Variants in DRAXIN observed in about 807,000 individuals in gnomAD.
DRAXIN encodes the protein dorsal repulsive axon guidance protein.
DRAXIN carries 27 observed loss-of-function variants against 33.9 expected under a neutral mutation model. The ratio of observed to expected loss-of-function variants is 0.80; its 90% CI spans 0.59 to 1.10. The LOEUF (loss-of-function observed/expected upper bound fraction) is 1.10. Among genes scored for constraint, DRAXIN ranks in the 50% least tolerant of loss-of-function variants. The pLI is 0.00. For synonymous variants in DRAXIN, 178 were observed against 194.0 expected (o/e 0.92, Z 0.69); for missense variants, 371 against 460.8 (o/e 0.81, Z 1.78).
chr1:11,718,567 G>A (rs975591323), intron 6 of DRAXIN, among the ~76,000 whole-genome samples: 13 of 152,142 alleles, frequency 8.5e-5, no homozygotes, highest in Non-Finnish European at 8.8e-5. Context: ...GGGCTCAAAG[G>A]ATCCTCTCAT....
intron 3 of DRAXIN, among the ~76,000 whole-genome samples, chr1:11,709,828 G>A (rs1641448285): frequency 6.6e-6 from 1 of 152,184 alleles, no homozygotes; most frequent in African/African-American, 2.4e-5. Context: ...TTAAAACTGT[G>A]TCGTCAAGAC....
At chr1:11,695,187 C>T (rs1437646747) in intron 1 of DRAXIN, among the ~76,000 whole-genome samples, 5 of 152,128 alleles carry the variant, frequency 3.3e-5, no homozygotes, top group Non-Finnish European at 4.4e-5. Context: ...CGAATCCCAG[C>T]TCTATCACTT....
intron 1 of DRAXIN, among the ~76,000 whole-genome samples, chr1:11,698,980 G>A (rs767548809): frequency 6.6e-6 from 1 of 152,242 alleles, no homozygotes; most frequent in Non-Finnish European, 1.5e-5. Context: ...AGAGCTCCTA[G>A]GTTGGGAGTA....
At chr1:11,693,216 T>G (rs764368246) in intron 1 of DRAXIN, among the ~76,000 whole-genome samples, 25 of 152,074 alleles carry the variant, frequency 1.6e-4, no homozygotes, top group Non-Finnish European at 3.1e-4. Context: ...GTCACTTTTT[T>G]TCAAAATGAG....
Position 11,706,282 on chromosome 1 carries a change from C to T in DRAXIN, c.24C>T (p.Thr8=), listed in dbSNP as rs143031169. Residue 8 remains threonine, a synonymous_variant, in exon 2 of 7, where the codon ACC becomes ACT. Transcript: ENST00000294485. The surrounding 1 kb of genome is among the most constrained non-coding windows in gnomAD (Gnocchi z 5.5). The part of the protein sequence containing the change: MAGPAIH[T]APMLFLVLLL... ...CAATGGCTGGGCCTGCCATCCACAC[C>T]GCTCCCATGCTGTTCCTCGTCCTCC... is the stretch of plus-strand genomic sequence containing the variant. 2.8e-4 allele frequency: 442 copies of T among 1,607,122 alleles called. No individual in the cohort carries two copies. Among genetic ancestry groups the T allele is most frequent in the Non-Finnish European group, 3.4e-4 (402 of 1,176,952 alleles).
intron 3 of DRAXIN, among the ~76,000 whole-genome samples, chr1:11,711,466 G>C (rs1189768631): frequency 6.6e-6 from 1 of 152,230 alleles, no homozygotes. Context: ...TGCAGAGAGA[G>C]GAAGGGATGG....
chr1:11,700,109 G>A lies in DRAXIN; in HGVS notation c.-10-6140G>A, dbSNP rs527827974. On this transcript the variant is annotated intron_variant, in intron 1 of 6. Coordinates refer to ENST00000294485, the MANE Select transcript of DRAXIN (RefSeq NM_198545.4). ...AAAATTAGCTGGGCGTGGTGGCAGC[G>A]CCTGTAATCCCTCAGGAGACTGAGG... 8.6e-5 allele frequency among the ~76,000 whole-genome samples: 13 copies of A among 151,400 alleles called. No individual in the cohort carries two copies. The South Asian group carries it at 2.7e-3, about 32-fold the overall frequency.
At chr1:11,690,235 T>A (rs1641036253), upstream of DRAXIN, among the ~76,000 whole-genome samples, 1 of 152,198 alleles carries the variant, frequency 6.6e-6, no homozygotes, top group African/African-American at 2.4e-5. This position sits in a 1 kb window ranked among gnomAD's most constrained non-coding sequence, Gnocchi z 4.2. Context: ...TGTTTACTAC[T>A]GTACCTCCGG....
rs1041410193 is a variant in DRAXIN, at chr1:11,721,138, A to C, written c.*1442A>C. 1.3e-5 allele frequency: 2 copies of C among 152,216 alleles called. No individual in the cohort carries two copies. Among genetic ancestry groups the C allele is most frequent in the African/African-American group, 4.8e-5 (2 of 41,442 alleles). The allele number at this position is 152,216 out of a possible 1,614,324, so 9.4% of individuals were successfully genotyped here. A position where few individuals can be genotyped will look rare whatever the true frequency, so the allele number is the denominator to read the frequency against. On this transcript the variant is annotated 3_prime_UTR_variant, in exon 7 of 7. Transcript: ENST00000294485. ...TCTGATGCAAGCATGGAATCCAAAA[A>C]AACCCCACACATATTGCCCATGTTT...
At chr1:11,708,766 A>G (rs1641429530) in intron 2 of DRAXIN, among the ~76,000 whole-genome samples, 1 of 152,178 alleles carries the variant, frequency 6.6e-6, no homozygotes, top group Admixed American at 6.5e-5. Flanking sequence ...GGGACCCAGC[A>G]CACAGCAGGT....
rs1029403888 is a variant in DRAXIN, at chr1:11,705,674, G to C, written c.-10-575G>C. On this transcript the variant is annotated intron_variant, in intron 1 of 6. Transcript: ENST00000294485. The surrounding 1 kb of genome is among the most constrained non-coding windows in gnomAD (Gnocchi z 4.8). ...GCCTTCATTGCCACTTCAGAAAAATGGGGAAAATAACAGGAGCCATTTCAG... is the reference window on the plus strand; with the variant it reads ...GCCTTCATTGCCACTTCAGAAAAATCGGGAAAATAACAGGAGCCATTTCAG... Among the ~76,000 whole-genome samples, 42 of 152,130 alleles carry C rather than the reference G, an allele frequency of 2.8e-4. No homozygotes were observed. Among genetic ancestry groups the C allele is most frequent in the African/African-American group, 9.9e-4 (41 of 41,418 alleles).
At chr1:11,712,566 A>G in intron 5 of DRAXIN, 137 bp downstream of exon 5, 1 of 829,040 alleles carries the variant, frequency 1.2e-6, no homozygotes. Context: ...AACAGCTGCC[A>G]CTTTCCTGAG....
At chr1:11,710,641 G>A (rs573725071) in intron 3 of DRAXIN, among the ~76,000 whole-genome samples, 7 of 152,014 alleles carry the variant, frequency 4.6e-5, no homozygotes, top group South Asian at 4.2e-4. Flanking sequence ...CAGGCCGGGC[G>A]CGGTGGCTCA....
chr1:11,711,286 A>G (rs909276475), intron 3 of DRAXIN, among the ~76,000 whole-genome samples: 2 of 152,208 alleles, frequency 1.3e-5, no homozygotes, highest in Non-Finnish European at 2.9e-5. Context: ...AGGCCAGCCT[A>G]GAAGGTGCGG....
At chr1:11,708,485 C>A (rs191481436) in intron 2 of DRAXIN, among the ~76,000 whole-genome samples, 1 of 152,320 alleles carries the variant, frequency 6.6e-6, no homozygotes, top group Non-Finnish European at 1.5e-5. Context: ...GTGGCGCATG[C>A]CTGTAATCCC....
chr1:11,688,584 C>T (rs1350548381), upstream of DRAXIN, among the ~76,000 whole-genome samples: 1 of 151,784 alleles, frequency 6.6e-6, no homozygotes, highest in Non-Finnish European at 1.5e-5. This position sits in a 1 kb window ranked among gnomAD's most constrained non-coding sequence, Gnocchi z 4.6. Context: ...AAAAAGCAAT[C>T]AGCAAACCTG....
chr1:11,720,606 A>G lies in DRAXIN; in HGVS notation c.*910A>G. On this transcript the variant is annotated 3_prime_UTR_variant, in exon 7 of 7. Coordinates refer to ENST00000294485, the MANE Select transcript of DRAXIN (RefSeq NM_198545.4). ...GAAACTCCATCTCAAAAAAAAAAAA[A>G]AAAAAAAGCACATCTGACTCAGTGG... 6.7e-6 allele frequency: 1 copy of G among 149,042 alleles called. No individual in the cohort carries two copies. The allele number at this position is 149,042 out of a possible 1,614,324, so 9.2% of individuals were successfully genotyped here.
At position 11,712,622 on chromosome 1, in the gene DRAXIN, G is replaced by C. The variant is rs113463906; in HGVS notation, c.847+193G>C. On this transcript the variant is annotated intron_variant, in intron 5 of 6. Transcript: ENST00000294485. Reference sequence around the variant, plus strand: ...TCATTTCATACATTATTCACAGCCAGGCACGGTGGCTCACACCTGTAATCC... The same window carrying C: ...TCATTTCATACATTATTCACAGCCACGCACGGTGGCTCACACCTGTAATCC... Among the ~76,000 whole-genome samples the C allele has an allele frequency of 2.6e-5, 4 of 152,344 alleles. 1 individual carries two copies. The highest frequency in any genetic ancestry group is 9.6e-5 in the African/African-American group (4 of 41,584).
intron 6 of DRAXIN, among the ~76,000 whole-genome samples, chr1:11,716,188 G>A (rs1641575043): frequency 6.6e-6 from 1 of 152,164 alleles, no homozygotes; most frequent in Admixed American, 6.6e-5. Context: ...TTTGTATTCT[G>A]CAAAGTTTCA....
Sources: allele counts gnomAD v4.1 joint callset (sites outside exome capture counted in the v4.1 genomes callset), GRCh38; gene constraint gnomAD v4.1.1; non-coding constraint Gnocchi (gnomAD v3.1); transcripts MANE v1.5; gene names NCBI Gene and HGNC (gene_info 2026-07-23, HGNC 2026-07-21).